The following USP47 variants were observed in gnomAD, a reference collection of about 807,000 sequenced individuals.
USP47 encodes ubiquitin specific peptidase 47.
USP47 carries 35 observed loss-of-function variants against 165.1 expected under a neutral mutation model. That is an observed-to-expected ratio of 0.21 (90% CI 0.16 to 0.28). The LOEUF is 0.28. USP47 is among the 10% of genes least tolerant of loss of function. USP47 has a pLI of 1.00. For synonymous variants in USP47, 531 were observed against 544.5 expected (o/e 0.98, Z 0.35); for missense variants, 1,277 against 1,607.4 (o/e 0.79, Z 3.52).
intron 27 of USP47, 149 bp downstream of exon 27, chr11:11,955,313 TG>T: frequency 2.9e-6 from 3 of 1,023,594 alleles, no homozygotes; most frequent in Non-Finnish European, 2.6e-6. Context: ...GATTATAATT[TG>T]AAGTTTTCTA....
intron 1 of USP47, among the ~76,000 whole-genome samples, chr11:11,865,941 G>C (rs1388968113): frequency 1.3e-5 from 2 of 152,048 alleles, no homozygotes; most frequent in Admixed American, 1.3e-4. Flanking sequence ...TATACAGTTT[G>C]CAAATATTTT....
In USP47 at chr11:11,933,109, C is replaced by T. The variant is rs770665364; in HGVS notation, c.1757C>T (p.Thr586Ile). The T allele has an allele frequency of 5.6e-6, 9 of 1,611,656 alleles. No individual in the cohort carries two copies. Among genetic ancestry groups the T allele is most frequent in the South Asian group, 1.1e-5 (1 of 90,574 alleles). ...AGACAACGAGAAATTGAGCGCAATA[C>T]ATGCAAGGTTGAATTCCATCATTTT... ...EKRQREIERN[T>I]CKIKLFCLHP... The change falls in exon 15 of 28, where the codon ACA (threonine) becomes ATA (isoleucine). Residue 586 changes from threonine (T) to isoleucine (I), a missense_variant. By Grantham distance (89) the Thr-to-Ile change is moderately conservative. Coordinates refer to ENST00000527733, the MANE Select transcript of USP47 (RefSeq NM_001282659.2).
chr11:11,930,895 C>A (rs560664600), intron 14 of USP47, 144 bp downstream of exon 14: 21 of 601,544 alleles, frequency 3.5e-5, no homozygotes, highest in Non-Finnish European at 5.5e-5. Context: ...AAGACTGTTA[C>A]AAAATAATAC....
At chr11:11,937,969 G>T (rs1590422488) in intron 17 of USP47, among the ~76,000 whole-genome samples, 1 of 151,944 alleles carries the variant, frequency 6.6e-6, no homozygotes, top group Admixed American at 6.6e-5. Context: ...AACAGTTTTT[G>T]TGTGGAATTT....
chr11:11,897,850 A>G (rs1451017471), intron 5 of USP47, among the ~76,000 whole-genome samples, 157 bp downstream of exon 5: 41 of 152,140 alleles, frequency 2.7e-4, no homozygotes, highest in Admixed American at 2.7e-3. Flanking sequence ...AGATCTTGTG[A>G]AAAACAGGTA....
chr11:11,925,747 G>T (rs914407269), intron 11 of USP47, among the ~76,000 whole-genome samples: 1 of 151,618 alleles, frequency 6.6e-6, no homozygotes, highest in Non-Finnish European at 1.5e-5. Flanking sequence ...CTTCTTGCCT[G>T]ATTGCTGTGG....
intron 3 of USP47, among the ~76,000 whole-genome samples, chr11:11,886,932 A>G (rs1156349256): frequency 6.6e-6 from 1 of 152,192 alleles, no homozygotes; most frequent in Non-Finnish European, 1.5e-5. Context: ...AATATTCAAC[A>G]TTCTTAAAGA....
At chr11:11,941,361 G>A (rs913047820) in intron 19 of USP47, among the ~76,000 whole-genome samples, 43 of 151,834 alleles carry the variant, frequency 2.8e-4, no homozygotes, top group Middle Eastern at 3.4e-3. Flanking sequence ...TTCCTTAAAC[G>A]GTTAGCGTAC....
chr11:11,957,248 G>A lies in USP47; in HGVS notation c.*1073G>A, dbSNP rs1273736624. On this transcript the variant is annotated 3_prime_UTR_variant, in exon 28 of 28. Transcript: ENST00000527733. The stretch of plus-strand genomic sequence containing the variant: ...TAGTTACATGTAGTTTAACTTTTGG[G>A]AAACGTCTTAACATTGTTCTGAATA... The A allele has an allele frequency of 1.3e-5, 2 of 150,866 alleles. No homozygotes were observed. Among genetic ancestry groups the A allele is most frequent in the South Asian group, 4.2e-4 (2 of 4,744 alleles). 9.3% of individuals were successfully genotyped at this position (150,866 alleles called of 1,614,324 possible). A position where few individuals can be genotyped will look rare whatever the true frequency, so the allele number is the denominator to read the frequency against.
In USP47 at chr11:11,898,970, G is replaced by A. The variant is rs140685202; in HGVS notation, c.593+1277G>A. ...TATGAATTTTATGCTATTATTGTCC[G>A]CATTTTACAAAGAAGGTAACTGAAG... On this transcript the variant is annotated intron_variant, in intron 5 of 27. Transcript: ENST00000527733. 5.3e-5 allele frequency among the ~76,000 whole-genome samples: 8 copies of A among 152,222 alleles called. No homozygotes were observed. The East Asian group carries it at 9.6e-4, about 18-fold the overall frequency.
At chr11:11,866,082 G>C (rs1008914012) in intron 1 of USP47, among the ~76,000 whole-genome samples, 10 of 152,050 alleles carry the variant, frequency 6.6e-5, no homozygotes, top group African/African-American at 2.4e-4. Flanking sequence ...AGAAATCATT[G>C]CCAAATCCAG....
chr11:11,955,927 A>G, intron 27 of USP47, 74 bp from the exon 28 acceptor site: 1 of 1,181,544 alleles, frequency 8.5e-7, no homozygotes, highest in Non-Finnish European at 1.2e-6. Flanking sequence ...GAGGAGCATC[A>G]TAGCATTCAA....
intron 1 of USP47, among the ~76,000 whole-genome samples, chr11:11,873,115 G>A (rs931405151): frequency 7.9e-5 from 12 of 152,112 alleles, no homozygotes; most frequent in Non-Finnish European, 1.8e-4. Flanking sequence ...TCAGAAAACT[G>A]TATGTTGCTA....
At chr11:11,875,459 C>CA (rs1850349704) in intron 1 of USP47, among the ~76,000 whole-genome samples, 1 of 152,192 alleles carries the variant, frequency 6.6e-6, no homozygotes, top group African/African-American at 2.4e-5. Flanking sequence ...AGCATCCCTT[C>CA]AGCGGGCTCT....
chr11:11,886,467 A>G (rs1279786043), intron 3 of USP47, among the ~76,000 whole-genome samples: 3 of 152,218 alleles, frequency 2.0e-5, no homozygotes, highest in East Asian at 1.9e-4. Context: ...CAATAGCAGA[A>G]TAGACCAAGT....
At position 11,869,299 on chromosome 11, in the gene USP47, G is replaced by A. The variant is rs116249347; in HGVS notation, c.40-10878G>A. 4.9e-3 allele frequency among the ~76,000 whole-genome samples: 743 copies of A among 151,248 alleles called. 5 individuals are homozygous for A. The highest frequency in any genetic ancestry group is 0.017 in the African/African-American group (721 of 41,464). ...TTTATGTTAATTTTAATATAAGATG[G>A]AGAGTTAGGTTGAGAATTTTTTTTT... On this transcript the variant is annotated intron_variant, in intron 1 of 27. Transcript: ENST00000527733.
At chr11:11,867,235 T>C (rs1410233402) in intron 1 of USP47, among the ~76,000 whole-genome samples, 1 of 152,180 alleles carries the variant, frequency 6.6e-6, no homozygotes, top group Non-Finnish European at 1.5e-5. Context: ...GTTTATTTAC[T>C]CTGCTTGAGA....
intron 1 of USP47, chr11:11,873,703 GC>G (rs2134260776): frequency 1.6e-6 from 1 of 606,348 alleles, no homozygotes; most frequent in African/African-American, 1.9e-5. Context: ...ATATTTTATT[GC>G]AAAAATGTTT....
chr11:11,929,650 G>A, intron 12 of USP47, 85 bp downstream of exon 12: 1 of 1,534,776 alleles, frequency 6.5e-7, no homozygotes, highest in Non-Finnish European at 8.8e-7. Flanking sequence ...TTAAGAATGA[G>A]TGAATCTGTC....
Sources: allele counts gnomAD v4.1 joint callset (sites outside exome capture counted in the v4.1 genomes callset), GRCh38; gene constraint gnomAD v4.1.1; transcripts MANE v1.5; gene names NCBI Gene and HGNC (gene_info 2026-07-23, HGNC 2026-07-21).